The following DAB1 variants were observed in gnomAD, a reference collection of about 807,000 sequenced individuals.
DAB1 encodes DAB adaptor protein 1.
In DAB1, 15 loss-of-function variants were observed where a neutral mutation model predicts 64.6. That is an observed-to-expected ratio of 0.23 (90% CI 0.16 to 0.36). The LOEUF is 0.36. Among genes scored for constraint, DAB1 ranks in the 10% least tolerant of loss-of-function variants. The probability of loss-of-function intolerance (pLI) is 1.00; values close to 1 mark genes in which losing one functional copy is unlikely to be tolerated. For missense variants in DAB1, 596 were observed against 706.7 expected, an observed-to-expected ratio of 0.84 and a Z score of 1.78; for synonymous variants, 235 against 251.9, an observed-to-expected ratio of 0.93 and a Z score of 0.64.
chr1:57,596,627 G>A (rs1570659269), intron 7 of DAB1, among the ~76,000 whole-genome samples: 1 of 151,952 alleles, frequency 6.6e-6, no homozygotes, highest in East Asian at 1.9e-4. Context: ...GTATCCTCCA[G>A]CCCAGCCAGT....
At chr1:58,313,850 T>TGA (rs1167079237) in intron 4 of DAB1, among the ~76,000 whole-genome samples, 13 of 145,402 alleles carry the variant, frequency 8.9e-5, no homozygotes, top group African/African-American at 3.4e-4. Context: ...TGTGTGTGTG[T>TGA]GTGTGTGAGA....
chr1:58,318,778 A>G (rs1662614673), intron 4 of DAB1, among the ~76,000 whole-genome samples: 1 of 152,146 alleles, frequency 6.6e-6, no homozygotes, highest in South Asian at 2.1e-4. Flanking sequence ...CTCACCTCGA[A>G]ATTTAAAAGC....
chr1:57,610,361 T>C (rs1200550198), intron 7 of DAB1, among the ~76,000 whole-genome samples: 1 of 152,224 alleles, frequency 6.6e-6, no homozygotes, highest in Admixed American at 6.5e-5. Context: ...GTACACATGT[T>C]GATTCATTTT....
At chr1:57,253,033 C>T (rs760701449) in intron 2 of DAB1, among the ~76,000 whole-genome samples, 8 of 152,162 alleles carry the variant, frequency 5.3e-5, no homozygotes, top group Non-Finnish European at 1.2e-4. Context: ...GTTGGCATCG[C>T]TCTTTCATTC....
At chr1:58,203,461 T>A (rs1658105919) in intron 4 of DAB1, among the ~76,000 whole-genome samples, 1 of 152,194 alleles carries the variant, frequency 6.6e-6, no homozygotes, top group Admixed American at 6.5e-5. Flanking sequence ...CCCAACTGTC[T>A]CCATACACAT....
intron 7 of DAB1, among the ~76,000 whole-genome samples, chr1:57,543,542 AAAAC>A (rs1188012844): frequency 6.6e-6 from 1 of 152,216 alleles, no homozygotes; most frequent in Non-Finnish European, 1.5e-5. Flanking sequence ...GGGCATATAA[AAAAC>A]AAACTGTAAT....
chr1:57,190,376 G>A (rs996611671), intron 2 of DAB1, among the ~76,000 whole-genome samples: 2 of 152,118 alleles, frequency 1.3e-5, no homozygotes, highest in African/African-American at 2.4e-5. Context: ...CCTAATAAAC[G>A]TGAAAGCAGG....
intron 4 of DAB1, among the ~76,000 whole-genome samples, chr1:58,241,130 T>C (rs1660275245): frequency 6.6e-6 from 1 of 152,188 alleles, no homozygotes; most frequent in Non-Finnish European, 1.5e-5. Flanking sequence ...ATTCTTGATA[T>C]AGCTCAGCAT....
At chr1:58,491,243 C>T (rs1008723605) in intron 3 of DAB1, among the ~76,000 whole-genome samples, 2 of 152,132 alleles carry the variant, frequency 1.3e-5, no homozygotes, top group Non-Finnish European at 2.9e-5. Flanking sequence ...CAGGCCTGCC[C>T]TACAAGAGCT....
At chr1:58,337,261 G>T (rs1663140609) in intron 4 of DAB1, among the ~76,000 whole-genome samples, 1 of 146,322 alleles carries the variant, frequency 6.8e-6, no homozygotes, top group Non-Finnish European at 1.5e-5. Flanking sequence ...CAGCCTGGTT[G>T]ACAGAGCGAG....
At chr1:58,126,849 A>T (rs1374770014) in intron 5 of DAB1, among the ~76,000 whole-genome samples, 1 of 148,440 alleles carries the variant, frequency 6.7e-6, no homozygotes, top group Non-Finnish European at 1.5e-5. Context: ...TTCTTAATCC[A>T]GTCTATCACT....
At chr1:57,799,032 G>A (rs1052347267) in intron 6 of DAB1, among the ~76,000 whole-genome samples, 4 of 152,188 alleles carry the variant, frequency 2.6e-5, no homozygotes, top group Non-Finnish European at 5.9e-5. Flanking sequence ...CCTCATTCTT[G>A]ATACCTGAAT....
chr1:58,167,282 G>A (rs2100759530), intron 4 of DAB1, among the ~76,000 whole-genome samples: 1 of 152,242 alleles, frequency 6.6e-6, no homozygotes, highest in Middle Eastern at 3.4e-3. Context: ...AGTGCTCTTT[G>A]TCTAGCTAAA....
At chr1:58,490,658 A>T (rs571418200) in intron 3 of DAB1, among the ~76,000 whole-genome samples, 55 of 152,242 alleles carry the variant, frequency 3.6e-4, no homozygotes, top group African/African-American at 1.3e-3. Flanking sequence ...ACCAAAGTTG[A>T]AATGAAGGAA....
chr1:58,217,090 A>G (rs1039397970), intron 4 of DAB1, among the ~76,000 whole-genome samples: 7 of 152,240 alleles, frequency 4.6e-5, no homozygotes, highest in African/African-American at 1.7e-4. Context: ...CAGCAAGCAC[A>G]TAATAATTAG....
chr1:57,811,057 T>C (rs1651595222), intron 6 of DAB1, among the ~76,000 whole-genome samples: 1 of 152,240 alleles, frequency 6.6e-6, no homozygotes. Context: ...CCTTTTCTTC[T>C]ATCAAATCTC....
intron 1 of DAB1, among the ~76,000 whole-genome samples, chr1:57,397,439 A>T (rs547436056): frequency 2.8e-4 from 43 of 152,096 alleles, no homozygotes; most frequent in African/African-American, 9.9e-4. Context: ...TTTCTTCCAG[A>T]CCTTTCACCA....
At chr1:57,424,241 G>A (rs1462059008), upstream of DAB1, among the ~76,000 whole-genome samples, 3 of 149,992 alleles carry the variant, frequency 2.0e-5, no homozygotes, top group African/African-American at 7.3e-5. Context: ...CCCTCGCCCC[G>A]GCCTCGCGGC....
chr1:58,237,774 C>T (rs1660112418), intron 4 of DAB1, among the ~76,000 whole-genome samples: 1 of 152,062 alleles, frequency 6.6e-6, no homozygotes. Flanking sequence ...TGGTGTGGTT[C>T]TATAGCAAAT....
Sources: gnomAD v4.1 joint callset for allele counts (sites outside exome capture counted in the v4.1 genomes callset) on GRCh38, gnomAD v4.1.1 for gene constraint, MANE v1.5 for transcripts, NCBI Gene and HGNC (gene_info 2026-07-23, HGNC 2026-07-21) for gene names.